ZNF765: variants seen among roughly 807,000 people sequenced by gnomAD.
ZNF765 encodes the protein zinc finger protein 765.
ZNF765 carries 37 observed loss-of-function variants against 44.7 expected under a neutral mutation model. The observed-to-expected ratio is 0.83, with a 90% CI of 0.64 to 1.09. The LOEUF (loss-of-function observed/expected upper bound fraction) is 1.09, where lower values mean the gene tolerates loss of function less well. Ranked by LOEUF, ZNF765 falls within the 50% of genes least tolerant of loss-of-function variation. The probability of loss-of-function intolerance (pLI) is 0.00; values close to 1 mark genes in which losing one functional copy is unlikely to be tolerated. For missense variants in ZNF765, 594 were observed against 626.1 expected (o/e 0.95, Z 0.55); for synonymous variants, 201 against 213.7 (o/e 0.94, Z 0.52).
intron 2 of ZNF765, among the ~76,000 whole-genome samples, chr19:53,399,809 A>AT (rs2085705953): frequency 6.6e-6 from 1 of 151,848 alleles, no homozygotes; most frequent in Non-Finnish European, 1.5e-5. Flanking sequence ...CCCAATAGTT[A>AT]TTTTTTATTT....
chr19:53,408,232 G>T lies in ZNF765; in HGVS notation c.677G>T (p.Cys226Phe), dbSNP rs772355981. The T allele has an allele frequency of 3.5e-5, 56 of 1,614,118 alleles. No homozygotes were observed. In the Middle Eastern group the frequency reaches 6.6e-4, roughly 19 times the overall value. ...AATGACAGTGGCAAAGCCTATAATT[G>T]TAGCTCACTCTTAAGGAAACATCAG... ...QCNDSGKAYNCSSLLRKHQLI... is the reference protein window; with the variant it reads ...QCNDSGKAYNFSSLLRKHQLI... Residue 226 changes from cysteine to phenylalanine, a missense_variant, in exon 4 of 4, where the codon TGT (cysteine) becomes TTT (phenylalanine). Around this residue, in one of 2 missense-constraint regions of ZNF765, gnomAD observed 567 missense variants for 572.6 expected, o/e 0.99. Transcript: ENST00000396408.
downstream of ZNF765, chr19:53,413,128 G>T: frequency 5.0e-6 from 2 of 401,928 alleles, no homozygotes; most frequent in Non-Finnish European, 9.5e-6. Context: ...AAAAAAAAAA[G>T]ATGTCAAGCC....
At chr19:53,397,840 G>A in intron 1 of ZNF765, 103 bp from the exon 2 acceptor site, 1 of 1,184,136 alleles carries the variant, frequency 8.4e-7, no homozygotes, top group East Asian at 2.5e-5. Flanking sequence ...CAGCATAGGG[G>A]ACCGTATGTC....
chr19:53,417,946 T>C (rs12972801), intron 3 of ZNF765, among the ~76,000 whole-genome samples: 1 of 152,108 alleles, frequency 6.6e-6, no homozygotes, highest in Non-Finnish European at 1.5e-5. Flanking sequence ...GTACCAGAGC[T>C]CAGTATTTCC....
chr19:53,395,325 C>G (rs908937958), intron 1 of ZNF765, 132 bp downstream of exon 1: 2 of 152,450 alleles, frequency 1.3e-5, no homozygotes, highest in African/African-American at 4.8e-5. Flanking sequence ...GTTGAGACGA[C>G]CCCGTGAGAG....
intron 3 of ZNF765, among the ~76,000 whole-genome samples, chr19:53,404,614 G>A (rs1309310316): frequency 3.9e-5 from 6 of 151,974 alleles, no homozygotes; most frequent in Admixed American, 3.3e-4. Flanking sequence ...CACCACACCT[G>A]GCTAATGTGT....
downstream of ZNF765, chr19:53,413,229 G>C (rs956495088): frequency 3.4e-5 from 20 of 592,822 alleles, no homozygotes; most frequent in Middle Eastern, 4.8e-4. Flanking sequence ...GCGATTCCTG[G>C]CCAAGAAACA....
chr19:53,405,628 T>C (rs1328742373), intron 3 of ZNF765, among the ~76,000 whole-genome samples: 1 of 150,072 alleles, frequency 6.7e-6, no homozygotes, highest in African/African-American at 2.5e-5. Context: ...TCTCTTTTTA[T>C]GAAAGCACAA....
exon 4 of ZNF765, chr19:53,427,023 C>T (rs2085943896): frequency 7.2e-6 from 1 of 138,952 alleles, no homozygotes; most frequent in Admixed American, 7.0e-5. Context: ...CCCAGTTCCT[C>T]TCTGGGTGTC....
At chr19:53,418,962 G>C (rs554548946) in intron 3 of ZNF765, among the ~76,000 whole-genome samples, 2 of 143,172 alleles carry the variant, frequency 1.4e-5, no homozygotes, top group African/African-American at 5.1e-5. Context: ...CAAGAAAAGC[G>C]AATCTTAGGG....
intron 3 of ZNF765, among the ~76,000 whole-genome samples, chr19:53,402,918 T>C (rs2085741375): frequency 6.6e-6 from 1 of 152,166 alleles, no homozygotes. Flanking sequence ...GGCTCACACC[T>C]GTAATCCCAG....
chr19:53,409,700 A>G lies in ZNF765; in HGVS notation c.*573A>G. ...GACTTCATACTGGAGGATACCTTACAAATGTAATGAGTGTGGCAAGACCTT... is the reference window on the plus strand; with the variant it reads ...GACTTCATACTGGAGGATACCTTACGAATGTAATGAGTGTGGCAAGACCTT... On this transcript the variant is annotated 3_prime_UTR_variant, in exon 4 of 4. Transcript: ENST00000396408. 1 of 1,051,970 alleles carries G rather than the reference A, an allele frequency of 9.5e-7. No individual in the cohort carries two copies. Among genetic ancestry groups the G allele is most frequent in the Non-Finnish European group, 1.5e-6 (1 of 674,998 alleles). The allele number at this position is 1,051,970 out of a possible 1,614,324, so 65.2% of individuals were successfully genotyped here. A position where few individuals can be genotyped will look rare whatever the true frequency, so the allele number is the denominator to read the frequency against.
chr19:53,421,138 T>C (rs1243382723), intron 3 of ZNF765, among the ~76,000 whole-genome samples: 1 of 152,224 alleles, frequency 6.6e-6, no homozygotes, highest in East Asian at 1.9e-4. Flanking sequence ...AATACTGCTC[T>C]TTACTGCACA....
At chr19:53,425,320 T>TG (rs1397467197) in exon 4 of ZNF765, 2 of 150,304 alleles carry the variant, frequency 1.3e-5, no homozygotes, top group African/African-American at 4.9e-5. Flanking sequence ...GTCCTACTTT[T>TG]TTTTTTCAGA....
chr19:53,400,300 A>C (rs989310589), intron 2 of ZNF765, among the ~76,000 whole-genome samples: 4 of 152,154 alleles, frequency 2.6e-5, no homozygotes, highest in African/African-American at 9.7e-5. Context: ...TCTGCATTGG[A>C]AATTGGCTGA....
downstream of ZNF765, among the ~76,000 whole-genome samples, chr19:53,414,487 A>ACCACCACCACCAC (rs1568786107): frequency 1.0e-3 from 2 of 1,912 alleles, no homozygotes; most frequent in Non-Finnish European, 1.1e-3. Flanking sequence ...ACACACACAC[A>ACCACCACCACCAC]CACCCCCCCC....
chr19:53,396,910 G>A lies in ZNF765; in HGVS notation c.-73-1033G>A, dbSNP rs143892471. 4.8e-3 allele frequency among the ~76,000 whole-genome samples: 727 copies of A among 152,288 alleles called. 2 individuals carry two copies. Among genetic ancestry groups the A allele is most frequent in the African/African-American group, 0.016 (673 of 41,556 alleles). On this transcript the variant is annotated intron_variant, in intron 1 of 3. Transcript: ENST00000396408. Reference sequence around the variant, plus strand: ...TTTAGGCACAGGCTGATATTTATATGGAGCTATTAGCTGAGTGGTAGTCTG... The same window carrying A: ...TTTAGGCACAGGCTGATATTTATATAGAGCTATTAGCTGAGTGGTAGTCTG...
At chr19:53,403,148 G>C (rs1216711884) in intron 3 of ZNF765, among the ~76,000 whole-genome samples, 1 of 149,692 alleles carries the variant, frequency 6.7e-6, no homozygotes, top group Admixed American at 6.8e-5. Flanking sequence ...CGACAGAGCG[G>C]GACTCTGTCT....
In ZNF765 at chr19:53,408,699, C is replaced by A; in HGVS notation, c.1144C>A (p.Pro382Thr). Residue 382 changes from proline (P) to threonine (T), a missense_variant, in exon 4 of 4, where the codon CCT (proline) becomes ACT (threonine). Pro to Thr is a conservative substitution (Grantham distance 38, BLOSUM62 -1). This residue lies in a region of ZNF765 where 567 missense variants were observed against 572.6 expected (regional missense o/e 0.99). Transcript: ENST00000396408. ...TCATAGAGTTCATACTGGAGAGAAA[C>A]CTTACAAGTGTAATGAGTGTAGCAA... ...CHHRVHTGEKPYKCNECSKTF... is the reference protein window; with the variant it reads ...CHHRVHTGEKTYKCNECSKTF... 7 of 1,532,266 alleles carry A rather than the reference C, an allele frequency of 4.6e-6. No individual in the cohort carries two copies. Among genetic ancestry groups the A allele is most frequent in the Non-Finnish European group, 5.3e-6 (6 of 1,128,514 alleles). 94.9% of individuals were successfully genotyped at this position (1,532,266 alleles called of 1,614,324 possible).
Sources: allele counts gnomAD v4.1 joint callset (sites outside exome capture counted in the v4.1 genomes callset), GRCh38; gene constraint gnomAD v4.1.1; regional missense constraint gnomAD v4.1.1; transcripts MANE v1.5; gene names NCBI Gene and HGNC (gene_info 2026-07-23, HGNC 2026-07-21).